Variants in SGCZ observed in about 807,000 individuals in gnomAD.
The protein encoded by SGCZ is sarcoglycan zeta.
SGCZ carries 40 observed loss-of-function variants against 41.3 expected under a neutral mutation model. That is an observed-to-expected ratio of 0.97 (90% CI 0.75 to 1.26). The LOEUF is 1.26. Ranked by LOEUF, SGCZ falls within the 50% of genes most tolerant of loss-of-function variation. The probability of loss-of-function intolerance (pLI) is 0.00; values close to 1 mark genes in which losing one functional copy is unlikely to be tolerated. For synonymous variants in SGCZ, 206 were observed against 137.5 expected (o/e 1.50, Z -3.49); for missense variants, 552 against 369.8 (o/e 1.49, Z -4.04).
At chr8:14,145,594 T>C (rs962004701) in intron 5 of SGCZ, among the ~76,000 whole-genome samples, 8 of 152,060 alleles carry the variant, frequency 5.3e-5, no homozygotes, top group East Asian at 1.9e-4. Context: ...GAACTAAAAA[T>C]AGCAAAAGGA....
intron 1 of SGCZ, among the ~76,000 whole-genome samples, chr8:15,219,486 G>C (rs1297175225): frequency 3.9e-5 from 6 of 152,136 alleles, no homozygotes; most frequent in Admixed American, 3.9e-4. Flanking sequence ...TCAATAGAAT[G>C]GTCATCTGAG....
chr8:15,068,409 T>C (rs981580481), intron 1 of SGCZ, among the ~76,000 whole-genome samples: 5 of 152,220 alleles, frequency 3.3e-5, no homozygotes, highest in African/African-American at 1.2e-4. Context: ...ATCACATTTA[T>C]TGAGCAGAGC....
intron 1 of SGCZ, among the ~76,000 whole-genome samples, chr8:14,820,371 T>G (rs1228555987): frequency 6.6e-6 from 1 of 152,160 alleles, no homozygotes; most frequent in Non-Finnish European, 1.5e-5. Flanking sequence ...ATGAAAATAT[T>G]ATTACATCTA....
At chr8:14,173,988 A>C (rs1285308261) in intron 4 of SGCZ, among the ~76,000 whole-genome samples, 2 of 152,084 alleles carry the variant, frequency 1.3e-5, no homozygotes, top group Admixed American at 6.6e-5. Context: ...AGTAAACCTC[A>C]AATCAAGGAG....
chr8:14,360,466 C>T (rs1803470689), intron 2 of SGCZ, among the ~76,000 whole-genome samples: 1 of 151,908 alleles, frequency 6.6e-6, no homozygotes, highest in South Asian at 2.1e-4. Context: ...GCTGGGATTA[C>T]AGGCACGCAT....
intron 1 of SGCZ, among the ~76,000 whole-genome samples, chr8:14,732,712 G>A (rs911421878): frequency 6.6e-6 from 1 of 152,056 alleles, no homozygotes; most frequent in Non-Finnish European, 1.5e-5. Context: ...TAAAACGGGG[G>A]CAACCAATAT....
intron 1 of SGCZ, among the ~76,000 whole-genome samples, chr8:15,097,599 TAAA>T (rs999490042): frequency 6.6e-6 from 1 of 150,380 alleles, no homozygotes; most frequent in African/African-American, 2.4e-5. Flanking sequence ...AAATAAAAAT[TAAA>T]AAAAATCAGT....
chr8:14,144,657 G>A (rs118031097), intron 5 of SGCZ, among the ~76,000 whole-genome samples: 1 of 152,194 alleles, frequency 6.6e-6, no homozygotes, highest in Non-Finnish European at 1.5e-5. Context: ...CCACATGGGT[G>A]TAGAGCACCA....
intron 1 of SGCZ, among the ~76,000 whole-genome samples, chr8:15,057,031 C>T (rs950824985): frequency 2.6e-5 from 4 of 152,208 alleles, no homozygotes; most frequent in Non-Finnish European, 5.9e-5. Context: ...ACACTGCCAA[C>T]AGCCATGATG....
At chr8:14,115,259 T>C (rs1284911182) in intron 5 of SGCZ, among the ~76,000 whole-genome samples, 1 of 152,012 alleles carries the variant, frequency 6.6e-6, no homozygotes, top group Non-Finnish European at 1.5e-5. Context: ...TGAGAAAGCA[T>C]AATCAAGAAT....
chr8:14,735,701 G>A (rs111523962), intron 1 of SGCZ, among the ~76,000 whole-genome samples: 10 of 152,074 alleles, frequency 6.6e-5, no homozygotes, highest in East Asian at 1.9e-4. Context: ...ACTCCCTTTC[G>A]TATATACATC....
chr8:14,704,248 T>C (rs539717008), intron 1 of SGCZ, among the ~76,000 whole-genome samples: 1 of 152,034 alleles, frequency 6.6e-6, no homozygotes, highest in Non-Finnish European at 1.5e-5. Context: ...TGCCAAGACC[T>C]ATGTTGAGTG....
intron 3 of SGCZ, among the ~76,000 whole-genome samples, chr8:14,285,062 C>G (rs1291273537): frequency 6.6e-6 from 1 of 152,058 alleles, no homozygotes; most frequent in Non-Finnish European, 1.5e-5. Context: ...TACATTGATT[C>G]TTTTAAGGGT....
chr8:14,540,073 G>A (rs1441118860), intron 2 of SGCZ, among the ~76,000 whole-genome samples: 5 of 151,806 alleles, frequency 3.3e-5, no homozygotes, highest in Admixed American at 2.0e-4. Context: ...GAAATCCAGA[G>A]GAAATGACAT....
At chr8:14,847,963 A>G (rs934946913) in intron 1 of SGCZ, among the ~76,000 whole-genome samples, 7 of 152,140 alleles carry the variant, frequency 4.6e-5, no homozygotes, top group Non-Finnish European at 7.4e-5. Flanking sequence ...CATTATTCAT[A>G]GACAACATAA....
Position 14,090,608 on chromosome 8 carries a change from C to T in SGCZ, c.774G>A (p.Leu258=), listed in dbSNP as rs750133995. ...AGAAGGAGCCAGTTGGTAGATTTCC[C>T]AGCTTGATTGTCTCTGCATTTAAAA... ...EIFLNAETIK[L]GNLPTGSFSS... is the part of the protein sequence containing the mutation. The change falls in exon 8 of 8, where the codon CTG becomes CTA. Residue 258 remains leucine, a synonymous_variant. Transcript: ENST00000382080. 2 of 1,612,038 alleles carry T rather than the reference C, an allele frequency of 1.2e-6. No homozygotes were observed. Among genetic ancestry groups the T allele is most frequent in the African/African-American group, 1.3e-5 (1 of 74,872 alleles).
chr8:15,123,181 T>C (rs1245620076), intron 1 of SGCZ, among the ~76,000 whole-genome samples: 1 of 152,202 alleles, frequency 6.6e-6, no homozygotes, highest in Non-Finnish European at 1.5e-5. Context: ...TAAGATATTT[T>C]CTAGCTTTAT....
At chr8:14,875,651 T>C (rs1051833837) in intron 1 of SGCZ, among the ~76,000 whole-genome samples, 2 of 152,276 alleles carry the variant, frequency 1.3e-5, no homozygotes, top group Admixed American at 6.5e-5. Context: ...TAGGACCTGG[T>C]TATCTCTGAG....
intron 2 of SGCZ, among the ~76,000 whole-genome samples, chr8:14,520,933 C>G (rs1012069272): frequency 6.6e-6 from 1 of 152,114 alleles, no homozygotes; most frequent in African/African-American, 2.4e-5. Context: ...AATCACTAAT[C>G]TTAGCAATAG....
Sources: gnomAD v4.1 joint callset for allele counts (sites outside exome capture counted in the v4.1 genomes callset) on GRCh38, gnomAD v4.1.1 for gene constraint, MANE v1.5 for transcripts, NCBI Gene and HGNC (gene_info 2026-07-23, HGNC 2026-07-21) for gene names.